Variants in NAALADL2 observed in about 807,000 individuals in gnomAD.
The protein encoded by NAALADL2 is inactive N-acetylated-alpha-linked acidic dipeptidase-like protein 2.
A neutral mutation model predicts 87.2 loss-of-function variants in NAALADL2; 76 were observed. The observed-to-expected ratio is 0.87, with a 90% CI of 0.72 to 1.05. The LOEUF is 1.05. Ranked by LOEUF, NAALADL2 falls within the 50% of genes least tolerant of loss-of-function variation. NAALADL2 has a pLI of 0.00. For missense variants in NAALADL2, 1,089 were observed against 945.8 expected (o/e 1.15, Z -1.99); for synonymous variants, 354 against 331.0 (o/e 1.07, Z -0.75).
intron 1 of NAALADL2, among the ~76,000 whole-genome samples, chr3:174,923,465 G>C (rs567913678): frequency 7.2e-5 from 11 of 152,028 alleles, no homozygotes; most frequent in Non-Finnish European, 1.5e-4. Context: ...AGAAAAGAGA[G>C]AAATAGAAAA....
rs534892176 is a variant in NAALADL2, at chr3:175,195,054, A to G, written c.546-38877A>G. ...CTCTCTCTCTCTCTCTCCCTCCTCT[A>G]AGACTATATAATTCTTATGAATATG... On this transcript the variant is annotated intron_variant, in intron 2 of 13. Coordinates refer to ENST00000454872, the MANE Select transcript of NAALADL2 (RefSeq NM_207015.3). Among the ~76,000 whole-genome samples the G allele has an allele frequency of 2.8e-4, 43 of 151,460 alleles. No individual in the cohort carries two copies. In the East Asian group the frequency reaches 7.0e-3, roughly 25 times the overall value.
intron 2 of NAALADL2, among the ~76,000 whole-genome samples, chr3:175,107,689 G>A (rs1723442669): frequency 6.6e-6 from 1 of 151,574 alleles, no homozygotes; most frequent in Non-Finnish European, 1.5e-5. Context: ...CTAATAATAT[G>A]AAAAATTGAT....
At chr3:175,202,579 T>C (rs1740206420) in intron 2 of NAALADL2, among the ~76,000 whole-genome samples, 1 of 152,160 alleles carries the variant, frequency 6.6e-6, no homozygotes, top group South Asian at 2.1e-4. Flanking sequence ...TAATGCTCTA[T>C]TTTTGTGCTG....
chr3:175,669,954 T>G (rs1281281273), intron 11 of NAALADL2, among the ~76,000 whole-genome samples: 6 of 152,006 alleles, frequency 3.9e-5, no homozygotes, highest in Admixed American at 1.3e-4. Flanking sequence ...AACACCCCTT[T>G]CAGTGCTTGA....
chr3:175,259,495 G>T (rs1750647585), intron 4 of NAALADL2, among the ~76,000 whole-genome samples: 1 of 152,036 alleles, frequency 6.6e-6, no homozygotes, highest in East Asian at 1.9e-4. Context: ...AACCTCTAGG[G>T]ATACTTTTAA....
intron 3 of NAALADL2, among the ~76,000 whole-genome samples, chr3:174,843,933 T>C (rs1324593674): frequency 6.6e-6 from 1 of 152,188 alleles, no homozygotes; most frequent in African/African-American, 2.4e-5. Context: ...TAACATTATG[T>C]CAGATGGGAA....
intron 4 of NAALADL2, among the ~76,000 whole-genome samples, chr3:175,267,144 T>C (rs1752065776): frequency 6.6e-6 from 1 of 152,048 alleles, no homozygotes; most frequent in Admixed American, 6.6e-5. Context: ...TTTCAAATCT[T>C]TCCTTACTGA....
At chr3:174,766,604 G>C (rs1008426910) in intron 3 of NAALADL2, among the ~76,000 whole-genome samples, 1 of 152,102 alleles carries the variant, frequency 6.6e-6, no homozygotes, top group Non-Finnish European at 1.5e-5. Context: ...TATGACATCT[G>C]TTTTTGTTGT....
At chr3:174,974,101 A>G (rs965269218) in intron 1 of NAALADL2, among the ~76,000 whole-genome samples, 1 of 152,232 alleles carries the variant, frequency 6.6e-6, no homozygotes, top group African/African-American at 2.4e-5. Flanking sequence ...TTGCTGAAGC[A>G]TTGCTTTAAG....
At chr3:174,813,817 G>A (rs1193435556) in intron 3 of NAALADL2, among the ~76,000 whole-genome samples, 1 of 151,962 alleles carries the variant, frequency 6.6e-6, no homozygotes, top group African/African-American at 2.4e-5. Context: ...AGTGTGCCTG[G>A]CTCCCCTTAT....
intron 1 of NAALADL2, among the ~76,000 whole-genome samples, chr3:175,013,300 T>A (rs1476599378): frequency 1.7e-5 from 1 of 59,454 alleles, no homozygotes; most frequent in Admixed American, 1.8e-4. Context: ...TATATATATA[T>A]ATTTTTTTTT....
chr3:175,632,266 T>TTC (rs61458338), intron 11 of NAALADL2, among the ~76,000 whole-genome samples: 4,620 of 129,304 alleles, frequency 0.036, 121 homozygotes, highest in East Asian at 0.1. Context: ...CACTTTCCCC[T>TTC]TCTCTCTCTC....
chr3:175,473,558 AT>A (rs1044794228), intron 9 of NAALADL2, among the ~76,000 whole-genome samples: 1 of 151,724 alleles, frequency 6.6e-6, no homozygotes, highest in African/African-American at 2.4e-5. Context: ...TGGAATGAAT[AT>A]AAATAACTTA....
At chr3:174,818,204 T>A (rs1721008340) in intron 3 of NAALADL2, among the ~76,000 whole-genome samples, 1 of 152,184 alleles carries the variant, frequency 6.6e-6, no homozygotes, top group Admixed American at 6.5e-5. Context: ...TTGATTTTCA[T>A]CTTTGCAGCC....
In NAALADL2 at chr3:174,789,600, A is replaced by T. The variant is rs146978021; in HGVS notation, c.-9+51854A>T. Among the ~76,000 whole-genome samples, 946 of 152,288 alleles carry T rather than the reference A, an allele frequency of 6.2e-3. 8 individuals carry two copies. Among genetic ancestry groups the T allele is most frequent in the Middle Eastern group, 0.024 (7 of 292 alleles). On this transcript the variant is annotated intron_variant, in intron 3 of 3. Coordinates refer to the NAALADL2 transcript ENST00000434257. ...CAATTGATTTTAAAACAAAAACACA[A>T]GAAAACAAAACTAGAACATGTTTTT... is the stretch of plus-strand genomic sequence containing the variant.
chr3:175,613,492 T>C (rs1724938201), intron 10 of NAALADL2, among the ~76,000 whole-genome samples: 1 of 152,246 alleles, frequency 6.6e-6, no homozygotes, highest in African/African-American at 2.4e-5. Context: ...GAACATACAT[T>C]TTATTTTTTC....
chr3:175,392,639 G>T (rs968467313), intron 5 of NAALADL2, among the ~76,000 whole-genome samples: 1 of 152,110 alleles, frequency 6.6e-6, no homozygotes, highest in Non-Finnish European at 1.5e-5. Context: ...AACCCAATAG[G>T]ATTTCCCATT....
intron 1 of NAALADL2, among the ~76,000 whole-genome samples, chr3:175,038,910 T>C (rs959208630): frequency 2.0e-5 from 3 of 152,088 alleles, no homozygotes; most frequent in Admixed American, 2.0e-4. Flanking sequence ...ATTGGTACTG[T>C]CCAAACCAGA....
At chr3:174,873,811 T>C (rs540601169) in intron 1 of NAALADL2, among the ~76,000 whole-genome samples, 39 of 151,550 alleles carry the variant, frequency 2.6e-4, no homozygotes, top group Non-Finnish European at 2.2e-4. Context: ...TATTCGTGCA[T>C]GCCATTCTGC....
Sources: gnomAD v4.1 joint callset for allele counts (sites outside exome capture counted in the v4.1 genomes callset) on GRCh38, gnomAD v4.1.1 for gene constraint, MANE v1.5 for transcripts, NCBI Gene and HGNC (gene_info 2026-07-23, HGNC 2026-07-21) for gene names.